Variants in EEA1 observed in about 807,000 individuals in gnomAD.
EEA1 encodes early endosome antigen 1, 162kD.
Under a neutral mutation model 209.2 loss-of-function variants are expected in EEA1, and 111 were observed. That is an observed-to-expected ratio of 0.53 (90% CI 0.45 to 0.62). EEA1 has a LOEUF of 0.62. Among genes scored for constraint, EEA1 ranks in the 20% least tolerant of loss-of-function variants. EEA1 has a pLI of 0.00. For missense variants in EEA1, 1,343 were observed against 1,530.8 expected, an observed-to-expected ratio of 0.88 and a Z score of 2.05; for synonymous variants, 536 against 540.6, an observed-to-expected ratio of 0.99 and a Z score of 0.12.
intron 1 of EEA1, among the ~76,000 whole-genome samples, chr12:92,912,180 T>A (rs1880604695): frequency 6.6e-6 from 1 of 152,222 alleles, no homozygotes; most frequent in African/African-American, 2.4e-5. Context: ...TAAACTCGAC[T>A]ACGTCCCTTA....
intron 1 of EEA1, among the ~76,000 whole-genome samples, chr12:92,915,227 G>A (rs1193004958): frequency 6.6e-6 from 1 of 152,146 alleles, no homozygotes; most frequent in African/African-American, 2.4e-5. Flanking sequence ...AGCACTTTGG[G>A]ATGCCAAGGT....
chr12:92,852,895 A>T lies in EEA1; in HGVS notation c.520+17T>A. On this transcript the variant is annotated intron_variant, in intron 7 of 28. Transcript: ENST00000322349. Reference sequence around the variant, plus strand: ...ATGAGATTGATTTATTGGCTAAAAAATTCTAACTCAATTTACCTGCAATTT... The same window carrying T: ...ATGAGATTGATTTATTGGCTAAAAATTTCTAACTCAATTTACCTGCAATTT... 6.3e-7 allele frequency: 1 copy of T among 1,578,652 alleles called. No individual in the cohort carries two copies. The highest frequency in any genetic ancestry group is 8.7e-7 in the Non-Finnish European group (1 of 1,151,770).
chr12:92,882,383 A>G (rs1428781106), intron 2 of EEA1, among the ~76,000 whole-genome samples: 2 of 151,568 alleles, frequency 1.3e-5, no homozygotes, highest in Non-Finnish European at 2.9e-5. Flanking sequence ...GCAGGATTAC[A>G]GGCATGAGTC....
At chr12:92,786,549 T>C (rs1234185597) in intron 22 of EEA1, among the ~76,000 whole-genome samples, 1 of 152,182 alleles carries the variant, frequency 6.6e-6, no homozygotes, top group Non-Finnish European at 1.5e-5. Flanking sequence ...CAGCCAGGTA[T>C]GGGTTCAGTC....
At chr12:92,819,243 G>T in intron 14 of EEA1, 65 bp downstream of exon 14, 1 of 1,319,394 alleles carries the variant, frequency 7.6e-7, no homozygotes, top group Non-Finnish European at 1.0e-6. Flanking sequence ...TTTAAATAAA[G>T]CACTTAGTAA....
intron 17 of EEA1, among the ~76,000 whole-genome samples, chr12:92,810,567 C>T (rs1875439494): frequency 6.6e-6 from 1 of 152,056 alleles, no homozygotes; most frequent in South Asian, 2.1e-4. Flanking sequence ...CTTATACACA[C>T]ACGCTTCACC....
intron 13 of EEA1, among the ~76,000 whole-genome samples, chr12:92,823,242 C>CCTTTCCATCTTCAAAAT (rs1876146520): frequency 6.6e-6 from 1 of 152,184 alleles, no homozygotes; most frequent in Non-Finnish European, 1.5e-5. Flanking sequence ...ACCTTCAATA[C>CCTTTCCATCTTCAAAAT]CTTTCCATCT....
At chr12:92,863,466 T>C (rs956288513) in intron 3 of EEA1, among the ~76,000 whole-genome samples, 1 of 152,210 alleles carries the variant, frequency 6.6e-6, no homozygotes, top group Non-Finnish European at 1.5e-5. Flanking sequence ...GAAAGAGAAT[T>C]GAAGCCTTTG....
chr12:92,854,071 T>C (rs1877755748), intron 5 of EEA1, 117 bp from the exon 6 acceptor site: 2 of 740,544 alleles, frequency 2.7e-6, no homozygotes, highest in Admixed American at 7.8e-5. Context: ...TAGTAAGATT[T>C]TGGTGAAAAT....
At chr12:92,825,630 C>T (rs1876261290) in intron 13 of EEA1, among the ~76,000 whole-genome samples, 1 of 151,976 alleles carries the variant, frequency 6.6e-6, no homozygotes, top group East Asian at 1.9e-4. Flanking sequence ...CCTACAATTC[C>T]AGTGTTCAGA....
intron 2 of EEA1, among the ~76,000 whole-genome samples, chr12:92,871,889 T>G (rs992755795): frequency 1.3e-5 from 2 of 152,124 alleles, no homozygotes; most frequent in African/African-American, 4.8e-5. Context: ...TTTATTTTAT[T>G]TATTTATTTA....
chr12:92,852,856 A>C lies in EEA1; in HGVS notation c.520+56T>G. The stretch of plus-strand genomic sequence containing the variant: ...ACTATATTTATTGCTAGGGTATATA[A>C]TGGCAAAAAGGTAATGAGATTGATT... On this transcript the variant is annotated intron_variant, in intron 7 of 28. Coordinates refer to ENST00000322349, the MANE Select transcript of EEA1 (RefSeq NM_003566.4). The C allele has an allele frequency of 3.1e-6, 4 of 1,275,186 alleles. No individual in the cohort carries two copies. The South Asian group carries it at 5.0e-5, about 16-fold the overall frequency. 79.0% of individuals were successfully genotyped at this position (1,275,186 alleles called of 1,614,324 possible). A position where few individuals can be genotyped will look rare whatever the true frequency, so the allele number is the denominator to read the frequency against.
intron 1 of EEA1, among the ~76,000 whole-genome samples, chr12:92,923,941 T>C (rs1180778130): frequency 2.0e-5 from 3 of 151,348 alleles, no homozygotes; most frequent in Non-Finnish European, 4.4e-5. Flanking sequence ...ATAATAACAC[T>C]GAAACACCAT....
chr12:92,919,021 A>AC (rs1308963413), intron 1 of EEA1, among the ~76,000 whole-genome samples: 13 of 141,290 alleles, frequency 9.2e-5, no homozygotes, highest in African/African-American at 3.4e-4. Flanking sequence ...TCCTCGACAC[A>AC]TACACTCTCC....
At chr12:92,796,822 T>G (rs1029661142) in intron 21 of EEA1, among the ~76,000 whole-genome samples, 2 of 152,200 alleles carry the variant, frequency 1.3e-5, no homozygotes, top group African/African-American at 4.8e-5. Context: ...TTCCACATTG[T>G]ATGAGTCACA....
At chr12:92,848,016 A>G (rs1877453985) in intron 9 of EEA1, among the ~76,000 whole-genome samples, 1 of 151,890 alleles carries the variant, frequency 6.6e-6, no homozygotes, top group Non-Finnish European at 1.5e-5. Context: ...ATTCATCACT[A>G]CATATCTATT....
rs1233531253 is a variant in EEA1, at chr12:92,929,171, C to A, written c.-105G>T. 8.5e-7 allele frequency: 1 copy of A among 1,178,368 alleles called. No individual in the cohort carries two copies. The highest frequency in any genetic ancestry group is 1.2e-6 in the Non-Finnish European group (1 of 852,944). 73.0% of individuals were successfully genotyped at this position (1,178,368 alleles called of 1,614,324 possible). On this transcript the variant is annotated 5_prime_UTR_variant, in exon 1 of 29. Coordinates refer to ENST00000322349, the MANE Select transcript of EEA1 (RefSeq NM_003566.4). The stretch of plus-strand genomic sequence containing the variant: ...GGGAGGGACTGGGCCGGGAGGGGAC[C>A]GGGAAGGAGGTCGGGGCGAGGCGGT...
At chr12:92,826,525 T>C (rs1428799542) in intron 12 of EEA1, among the ~76,000 whole-genome samples, 3 of 151,372 alleles carry the variant, frequency 2.0e-5, no homozygotes, top group African/African-American at 7.3e-5. Context: ...CTGGCCAATA[T>C]GGTGAAACCC....
chr12:92,827,285 C>T lies in EEA1; in HGVS notation c.1404+627G>A, dbSNP rs977732384. ...GGGATAATTGCTTGAACCCAGGAGGCGGACGTTGCAGTGAGCCGAGATCAA... is the reference window on the plus strand; with the variant it reads ...GGGATAATTGCTTGAACCCAGGAGGTGGACGTTGCAGTGAGCCGAGATCAA... On this transcript the variant is annotated intron_variant, in intron 12 of 28. Coordinates refer to ENST00000322349, the MANE Select transcript of EEA1 (RefSeq NM_003566.4). Among the ~76,000 whole-genome samples, 9 of 152,086 alleles carry T rather than the reference C, an allele frequency of 5.9e-5. No homozygotes were observed. In the East Asian group the frequency reaches 7.7e-4, roughly 13 times the overall value.
Sources: allele counts gnomAD v4.1 joint callset (sites outside exome capture counted in the v4.1 genomes callset), GRCh38; gene constraint gnomAD v4.1.1; transcripts MANE v1.5; gene names NCBI Gene and HGNC (gene_info 2026-07-23, HGNC 2026-07-21).